SLC35F2: variants seen among roughly 807,000 people sequenced by gnomAD.
SLC35F2 encodes queuine/queuosine transporter SLC35F2.
SLC35F2 carries 25 observed loss-of-function variants against 38.1 expected under a neutral mutation model. That is an observed-to-expected ratio of 0.66 (90% CI 0.48 to 0.92). The LOEUF (loss-of-function observed/expected upper bound fraction) is 0.92, where lower values mean the gene tolerates loss of function less well. Among genes scored for constraint, SLC35F2 ranks in the 40% least tolerant of loss-of-function variants. The pLI is 0.00. For missense variants in SLC35F2, 409 were observed against 452.9 expected (o/e 0.90, Z 0.88); for synonymous variants, 173 against 181.7 (o/e 0.95, Z 0.38).
intron 7 of SLC35F2, among the ~76,000 whole-genome samples, chr11:107,793,137 G>A (rs1015263348): frequency 2.6e-5 from 4 of 152,106 alleles, no homozygotes; most frequent in South Asian, 2.1e-4. Flanking sequence ...GGATGGTCTC[G>A]AACACCTGAG....
chr11:107,826,463 C>T (rs1859756667), intron 1 of SLC35F2, among the ~76,000 whole-genome samples: 1 of 152,002 alleles, frequency 6.6e-6, no homozygotes, highest in South Asian at 2.1e-4. Flanking sequence ...AGGCTGGTCT[C>T]GAACTCCTGA....
chr11:107,823,250 C>A (rs1041461697), intron 1 of SLC35F2: 74 of 983,164 alleles, frequency 7.5e-5, no homozygotes, highest in Non-Finnish European at 8.5e-5. Context: ...CTAAATTATT[C>A]TTTTCTTTTT....
chr11:107,810,883 G>A (rs1859469777), intron 3 of SLC35F2: 2 of 980,688 alleles, frequency 2.0e-6, no homozygotes, highest in Admixed American at 6.2e-5. Context: ...TCTGTATTTT[G>A]TATAGTGAGA....
chr11:107,798,098 G>T lies in SLC35F2; in HGVS notation c.939+4903C>A, dbSNP rs149937907. Among the ~76,000 whole-genome samples, 989 of 152,076 alleles carry T rather than the reference G, an allele frequency of 6.5e-3. 15 individuals are homozygous for T. Among genetic ancestry groups the T allele is most frequent in the African/African-American group, 0.023 (958 of 41,458 alleles). On this transcript the variant is annotated intron_variant, in intron 7 of 7. Transcript: ENST00000525815. ...AGCTCAGTGCAACCTCTACCTCCTG[G>T]GCTCAAGCAATTCTTGTGCCTCGGC... is the stretch of plus-strand genomic sequence containing the variant.
chr11:107,803,507 C>T (rs1565428675), intron 6 of SLC35F2: 31 of 984,864 alleles, frequency 3.1e-5, no homozygotes, highest in Non-Finnish European at 3.4e-5. Flanking sequence ...GCAGAATCAA[C>T]ATCTCATGTC....
intron 1 of SLC35F2, among the ~76,000 whole-genome samples, chr11:107,858,093 T>C (rs1329048023): frequency 1.3e-5 from 2 of 152,214 alleles, no homozygotes; most frequent in African/African-American, 2.4e-5. Flanking sequence ...CAGGCTTCCC[T>C]GGACCCCAGC....
chr11:107,835,216 C>T (rs1859911972), intron 1 of SLC35F2, among the ~76,000 whole-genome samples: 2 of 152,184 alleles, frequency 1.3e-5, no homozygotes, highest in African/African-American at 4.8e-5. Flanking sequence ...AGGCTGAACA[C>T]AGTACACCTG....
At chr11:107,840,559 T>C (rs1325203817) in intron 1 of SLC35F2, 5 of 152,250 alleles carry the variant, frequency 3.3e-5, no homozygotes, top group Non-Finnish European at 7.3e-5. Context: ...GTTCATTTTG[T>C]GTTTTGTGTG....
intron 7 of SLC35F2, among the ~76,000 whole-genome samples, chr11:107,797,157 T>C (rs577824367): frequency 6.6e-6 from 1 of 152,112 alleles, no homozygotes; most frequent in East Asian, 1.9e-4. Context: ...CCCATAAATA[T>C]GTATAAATAT....
At chr11:107,835,917 GA>G (rs1373745561) in intron 1 of SLC35F2, among the ~76,000 whole-genome samples, 1 of 152,112 alleles carries the variant, frequency 6.6e-6, no homozygotes, top group Non-Finnish European at 1.5e-5. Flanking sequence ...CCAAATCTGG[GA>G]TTCATGGAAA....
At chr11:107,798,478 A>T (rs1386468363) in intron 7 of SLC35F2, among the ~76,000 whole-genome samples, 1 of 152,192 alleles carries the variant, frequency 6.6e-6, no homozygotes, top group Non-Finnish European at 1.5e-5. Context: ...AAATGGAGTC[A>T]CTTTTATTAG....
chr11:107,812,494 T>A (rs1859497663), intron 2 of SLC35F2, among the ~76,000 whole-genome samples: 1 of 149,916 alleles, frequency 6.7e-6, no homozygotes, highest in Non-Finnish European at 1.5e-5. Context: ...TGGGCTTACA[T>A]AATGAGACTC....
At position 107,800,931 on chromosome 11, in the gene SLC35F2, G is replaced by A. The variant is rs554338280; in HGVS notation, c.939+2070C>T. 3.3e-3 allele frequency among the ~76,000 whole-genome samples: 450 copies of A among 135,798 alleles called. 1 individual carries two copies. The highest frequency in any genetic ancestry group is 5.8e-3 in the Non-Finnish European group (386 of 66,248). The allele number at this position is 135,798 out of a possible 152,430, so 89.1% of individuals were successfully genotyped here. ...TTTTTTTTTTTTTTTTTTTTGAGAC[G>A]GAGTTGCTCGTTACCCAGGCTAAAA... On this transcript the variant is annotated intron_variant, in intron 7 of 7. Transcript: ENST00000525815.
intron 1 of SLC35F2, among the ~76,000 whole-genome samples, chr11:107,857,941 T>C (rs1860320133): frequency 6.6e-6 from 1 of 152,194 alleles, no homozygotes. Flanking sequence ...GCCCAATAAA[T>C]GTCTTTCACT....
intron 7 of SLC35F2, among the ~76,000 whole-genome samples, chr11:107,793,299 C>G (rs529492878): frequency 1.4e-4 from 21 of 152,316 alleles, no homozygotes; most frequent in Admixed American, 9.2e-4. Context: ...TGATGGGACT[C>G]TGCCAACAGC....
intron 5 of SLC35F2, 129 bp downstream of exon 5, chr11:107,805,230 A>G (rs556694084): frequency 1.4e-6 from 2 of 1,383,708 alleles, no homozygotes; most frequent in East Asian, 2.6e-5. Context: ...CAAAACCACA[A>G]TTACTCTTGC....
intron 7 of SLC35F2, among the ~76,000 whole-genome samples, chr11:107,798,152 C>T (rs1489171538): frequency 2.0e-5 from 3 of 151,832 alleles, no homozygotes; most frequent in East Asian, 1.9e-4. Flanking sequence ...TACAGGTGCC[C>T]GCCATCATGC....
intron 1 of SLC35F2, among the ~76,000 whole-genome samples, chr11:107,851,195 G>A (rs1445319396): frequency 7.2e-5 from 11 of 151,826 alleles, no homozygotes; most frequent in East Asian, 3.9e-4. Context: ...CCCGGGAGGC[G>A]GAGGTTGCAG....
At chr11:107,810,399 G>C in intron 3 of SLC35F2, 1 of 984,884 alleles carries the variant, frequency 1.0e-6, no homozygotes. Context: ...TTTATCATTA[G>C]TTAGAGATCA....
Sources: allele counts gnomAD v4.1 joint callset (sites outside exome capture counted in the v4.1 genomes callset), GRCh38; gene constraint gnomAD v4.1.1; transcripts MANE v1.5; gene names NCBI Gene and HGNC (gene_info 2026-07-23, HGNC 2026-07-21).